Variants in HECTD2 observed in about 807,000 individuals in gnomAD.
HECTD2 encodes the protein HECT domain E3 ubiquitin protein ligase 2, also known as probable E3 ubiquitin-protein ligase HECTD2.
In HECTD2, 35 loss-of-function variants were observed where a neutral mutation model predicts 103.2. The ratio of observed to expected loss-of-function variants is 0.34; its 90% confidence interval spans 0.26 to 0.45. The LOEUF (loss-of-function observed/expected upper bound fraction) is 0.45. HECTD2 is among the 20% of genes least tolerant of loss of function. The pLI, the probability that HECTD2 is intolerant of heterozygous loss-of-function variation, is 1.00. For missense variants in HECTD2, 596 were observed against 937.4 expected (o/e 0.64, Z 4.76); for synonymous variants, 281 against 329.9 (o/e 0.85, Z 1.61).
At chr10:91,414,885 T>A (rs1193687996) in intron 1 of HECTD2, among the ~76,000 whole-genome samples, 1 of 150,548 alleles carries the variant, frequency 6.6e-6, no homozygotes, top group Non-Finnish European at 1.5e-5. Flanking sequence ...CTTAGACAGT[T>A]TTTTTTTCCC....
intron 2 of HECTD2, among the ~76,000 whole-genome samples, chr10:91,440,019 C>T (rs1844331778): frequency 2.0e-5 from 3 of 152,112 alleles, no homozygotes; most frequent in Admixed American, 1.3e-4. Flanking sequence ...ATAATCATGT[C>T]ATCTGCAAAC....
chr10:91,456,890 A>T (rs754077156), intron 2 of HECTD2, among the ~76,000 whole-genome samples: 1 of 152,136 alleles, frequency 6.6e-6, no homozygotes, highest in Non-Finnish European at 1.5e-5. Flanking sequence ...GAGAAAATCA[A>T]TGAAACAAAG....
At position 91,492,264 on chromosome 10, in the gene HECTD2, A is replaced by G; in HGVS notation, c.1300-88A>G. ...TTGTAGCATTGCAAATAAGTTAAAG[A>G]CTGCCTAACACATTTCCCAGAATTA... is the stretch of plus-strand genomic sequence containing the variant. On this transcript the variant is annotated intron_variant, in intron 12 of 20. Coordinates refer to ENST00000298068, the MANE Select transcript of HECTD2 (RefSeq NM_182765.6). The G allele has an allele frequency of 1.4e-5, 17 of 1,239,242 alleles. No individual in the cohort carries two copies. The South Asian group carries it at 1.7e-4, about 12-fold the overall frequency. 76.8% of individuals were successfully genotyped at this position (1,239,242 alleles called of 1,614,324 possible).
intron 1 of HECTD2, among the ~76,000 whole-genome samples, chr10:91,415,518 G>A (rs1348368004): frequency 6.6e-6 from 1 of 152,160 alleles, no homozygotes; most frequent in Non-Finnish European, 1.5e-5. Context: ...ACCCTGTGAG[G>A]AAGATATTTT....
At chr10:91,423,579 G>A (rs1221189882) in intron 1 of HECTD2, among the ~76,000 whole-genome samples, 1 of 152,108 alleles carries the variant, frequency 6.6e-6, no homozygotes, top group Admixed American at 6.6e-5. Flanking sequence ...TTCCCATGTA[G>A]TGTCCATTAC....
chr10:91,481,057 A>G (rs759858666), intron 6 of HECTD2, 37 bp from the exon 7 acceptor site: 15 of 1,247,154 alleles, frequency 1.2e-5, no homozygotes, highest in Non-Finnish European at 1.3e-5. Context: ...GAGATTAAAC[A>G]TTCATCCATA....
intron 5 of HECTD2, among the ~76,000 whole-genome samples, chr10:91,475,975 T>C (rs1845886312): frequency 6.6e-6 from 1 of 152,210 alleles, no homozygotes; most frequent in South Asian, 2.1e-4. Flanking sequence ...TTTCTGCTAG[T>C]GCTTTCTATT....
At chr10:91,418,164 GT>G (rs1334642794) in intron 1 of HECTD2, among the ~76,000 whole-genome samples, 3 of 151,804 alleles carry the variant, frequency 2.0e-5, no homozygotes, top group Non-Finnish European at 4.4e-5. Flanking sequence ...AATTAACTTG[GT>G]TTTGTTCTAG....
Position 91,419,284 on chromosome 10 carries a change from C to T in HECTD2, c.139-5997C>T, listed in dbSNP as rs147896982. Among the ~76,000 whole-genome samples, 656 of 151,902 alleles carry T rather than the reference C, an allele frequency of 4.3e-3. 4 individuals carry two copies. The highest frequency in any genetic ancestry group is 0.014 in the African/African-American group (567 of 41,466). ...TATTGGCATTGGTAGAAAAATATGA[C>T]GAAGAAATTGGAAATTTAAGATTCA... is the stretch of plus-strand genomic sequence containing the variant. On this transcript the variant is annotated intron_variant, in intron 1 of 20. Transcript: ENST00000298068.
Position 91,487,598 on chromosome 10 carries a change from T to TA in HECTD2, c.1095-83dup, listed in dbSNP as rs1369904836. The TA allele has an allele frequency of 2.4e-6, 2 of 833,936 alleles. No individual in the cohort carries two copies. The highest frequency in any genetic ancestry group is 3.4e-5 in the Admixed American group (2 of 58,392). 51.7% of individuals were successfully genotyped at this position (833,936 alleles called of 1,614,324 possible). On this transcript the variant is annotated intron_variant, in intron 10 of 20. Transcript: ENST00000298068. This position sits in a 1 kb window ranked among gnomAD's most constrained non-coding sequence, Gnocchi z 4.1. ...ATCCAAAAGTAATGTTTTATATTGC[T>TA]ACAAGGGGTACCTTAGATTCCCTTA...
Position 91,514,371 on chromosome 10 carries a change from A to G in HECTD2, c.*1987A>G, listed in dbSNP as rs1233193982. 3 of 152,668 alleles carry G rather than the reference A, an allele frequency of 2.0e-5. No individual in the cohort carries two copies. The highest frequency in any genetic ancestry group is 6.5e-5 in the Admixed American group (1 of 15,280). 9.5% of individuals were successfully genotyped at this position (152,668 alleles called of 1,614,324 possible). A position where few individuals can be genotyped will look rare whatever the true frequency, so the allele number is the denominator to read the frequency against. On this transcript the variant is annotated 3_prime_UTR_variant, in exon 21 of 21. Transcript: ENST00000298068. ...GTTATCTGTTGTTAAGTTGAAATGT[A>G]TAATCATTTATCACTAAATTGCACA...
intron 2 of HECTD2, among the ~76,000 whole-genome samples, chr10:91,458,754 G>A (rs980139577): frequency 6.6e-6 from 1 of 151,754 alleles, no homozygotes; most frequent in African/African-American, 2.4e-5. Context: ...ATGGATAATG[G>A]ACTTAAATGT....
intron 14 of HECTD2, among the ~76,000 whole-genome samples, chr10:91,494,543 T>C (rs558557025): frequency 6.6e-6 from 1 of 151,972 alleles, no homozygotes; most frequent in Non-Finnish European, 1.5e-5. Context: ...TTATGAGACA[T>C]ATATATGGAA....
intron 9 of HECTD2, 93 bp downstream of exon 9, chr10:91,484,748 T>C: frequency 2.2e-6 from 2 of 911,602 alleles, no homozygotes; most frequent in Non-Finnish European, 3.2e-6. Flanking sequence ...GAGGCATTCT[T>C]AAATTTTAAA....
chr10:91,440,234 T>G (rs1349097708), intron 2 of HECTD2, among the ~76,000 whole-genome samples: 1 of 152,154 alleles, frequency 6.6e-6, no homozygotes, highest in Non-Finnish European at 1.5e-5. Context: ...ATAGCTCTTA[T>G]TAAGAGAAAC....
intron 2 of HECTD2, among the ~76,000 whole-genome samples, chr10:91,435,743 A>G (rs1844087660): frequency 1.3e-5 from 2 of 151,956 alleles, no homozygotes; most frequent in Admixed American, 6.6e-5. Context: ...CCCTTGTGCT[A>G]TATACTCGGT....
intron 3 of HECTD2, 147 bp from the exon 4 acceptor site, chr10:91,461,107 T>C (rs539383882): frequency 2.0e-5 from 9 of 445,560 alleles, no homozygotes; most frequent in East Asian, 7.5e-5. Flanking sequence ...TTAAGAATTA[T>C]AAATCCATAA....
intron 14 of HECTD2, among the ~76,000 whole-genome samples, chr10:91,495,489 T>C (rs149600929): frequency 0.016 from 2,378 of 152,196 alleles, 60 homozygotes; most frequent in African/African-American, 0.054. Flanking sequence ...TCCTATAAAA[T>C]GAATTACTTC....
chr10:91,491,432 A>G, intron 12 of HECTD2, 125 bp downstream of exon 12: 1 of 522,546 alleles, frequency 1.9e-6, no homozygotes, highest in Non-Finnish European at 3.4e-6. Context: ...ATTCTTTTGA[A>G]GATCTTGTTG....
Sources: allele counts gnomAD v4.1 joint callset (sites outside exome capture counted in the v4.1 genomes callset), GRCh38; gene constraint gnomAD v4.1.1; non-coding constraint Gnocchi (gnomAD v3.1); transcripts MANE v1.5; gene names NCBI Gene and HGNC (gene_info 2026-07-23, HGNC 2026-07-21).